HAO2: variants seen among roughly 807,000 people sequenced by gnomAD.
The protein encoded by HAO2 is hydroxyacid oxidase 2.
A neutral mutation model predicts 37.4 loss-of-function variants in HAO2; 42 were observed. The ratio of observed to expected loss-of-function variants is 1.12; its 90% CI spans 0.88 to 1.45. The LOEUF (loss-of-function observed/expected upper bound fraction) is 1.45, where lower values mean the gene tolerates loss of function less well. HAO2 is among the 40% of genes most tolerant of loss of function. The pLI is 0.00. For missense variants in HAO2, 476 were observed against 430.2 expected (o/e 1.11, Z -0.94); for synonymous variants, 180 against 162.8 (o/e 1.11, Z -0.81).
chr1:119,392,380 A>G (rs758267854), intron 6 of HAO2, 112 bp downstream of exon 6: 8 of 947,546 alleles, frequency 8.4e-6, no homozygotes, highest in Non-Finnish European at 1.3e-5. Flanking sequence ...TTCCTAAAGG[A>G]TAGTTACACC....
rs748624751 is a variant in HAO2, at chr1:119,384,855, C to T, written c.363C>T (p.Pro121=). Residue 121 remains proline, a synonymous_variant, in exon 4 of 8, where the codon CCC becomes CCT. Transcript: ENST00000325945. ...CSLEDIVIAA[P]EGLRWFQLYV... ...TTGAAGACATTGTCATTGCAGCTCC[C>T]GAAGGCCTCCGATGGTTCCAACTCT... 27 of 1,613,574 alleles carry T rather than the reference C, an allele frequency of 1.7e-5. No individual in the cohort carries two copies. The highest frequency in any genetic ancestry group is 1.6e-4 in the South Asian group (15 of 91,076).
At chr1:119,372,792 T>G (rs1451023020) in intron 1 of HAO2, among the ~76,000 whole-genome samples, 2 of 152,124 alleles carry the variant, frequency 1.3e-5, no homozygotes, top group Non-Finnish European at 2.9e-5. Flanking sequence ...ACCCAGCTGT[T>G]TGTTGTTGGC....
intron 1 of HAO2, among the ~76,000 whole-genome samples, chr1:119,370,628 T>C (rs369152082): frequency 5.9e-5 from 9 of 152,322 alleles, no homozygotes; most frequent in African/African-American, 2.2e-4. Context: ...AGAGCTGAGA[T>C]TTCAGCCTAT....
intron 1 of HAO2, among the ~76,000 whole-genome samples, chr1:119,373,817 C>G (rs1482282415): frequency 6.6e-6 from 1 of 151,996 alleles, no homozygotes; most frequent in African/African-American, 2.4e-5. Flanking sequence ...CAAAAAAAGG[C>G]TAATGAGAGT....
At chr1:119,369,600 C>T (rs1341940639) in intron 1 of HAO2, among the ~76,000 whole-genome samples, 1 of 152,198 alleles carries the variant, frequency 6.6e-6, no homozygotes, top group East Asian at 1.9e-4. Context: ...CTGCATTTTA[C>T]AAGATCCTTC....
At chr1:119,380,901 C>G (rs1171756943) in intron 1 of HAO2, among the ~76,000 whole-genome samples, 177 bp from the exon 2 acceptor site, 1 of 152,158 alleles carries the variant, frequency 6.6e-6, no homozygotes, top group East Asian at 1.9e-4. Context: ...TGGACGATTA[C>G]TCTCTGACTT....
chr1:119,380,781 A>C, intron 1 of HAO2: 1 of 1,072,776 alleles, frequency 9.3e-7, no homozygotes, highest in Non-Finnish European at 1.4e-6. Flanking sequence ...GTGGGGCCTC[A>C]ACTAGGTCTA....
In HAO2 at chr1:119,382,810, T is replaced by C. The variant is rs587681767; in HGVS notation, c.132-105T>C. On this transcript the variant is annotated intron_variant, in intron 2 of 7. Coordinates refer to ENST00000325945, the MANE Select transcript of HAO2 (RefSeq NM_016527.4). ...CCCACCAAGGTTCCACAGGACCCTG[T>C]CTGGTTTAGACTTGTATCAGGAATC... The C allele has an allele frequency of 8.6e-6, 9 of 1,045,440 alleles. No homozygotes were observed. The South Asian group carries it at 1.1e-4, about 13-fold the overall frequency. The allele number at this position is 1,045,440 out of a possible 1,614,324, so 64.8% of individuals were successfully genotyped here. A position where few individuals can be genotyped will look rare whatever the true frequency, so the allele number is the denominator to read the frequency against.
At chr1:119,379,709 C>T (rs1010771581) in intron 1 of HAO2, among the ~76,000 whole-genome samples, 2 of 152,148 alleles carry the variant, frequency 1.3e-5, no homozygotes, top group South Asian at 4.1e-4. Context: ...CTCCTCGTAG[C>T]CTCCATCTAG....
At chr1:119,378,215 C>T (rs1649635135) in intron 1 of HAO2, among the ~76,000 whole-genome samples, 1 of 152,090 alleles carries the variant, frequency 6.6e-6, no homozygotes, top group Admixed American at 6.5e-5. Context: ...GCACTCCAGC[C>T]TGGGCGACAG....
chr1:119,380,663 C>T (rs781335245), intron 1 of HAO2: 1 of 1,566,456 alleles, frequency 6.4e-7, no homozygotes, highest in Non-Finnish European at 8.8e-7. Context: ...CATGATCAGC[C>T]TTGAACTTTA....
At chr1:119,379,991 C>T (rs183918299) in intron 1 of HAO2, among the ~76,000 whole-genome samples, 24 of 152,254 alleles carry the variant, frequency 1.6e-4, no homozygotes, top group East Asian at 9.6e-4. Context: ...CTAGTTACTG[C>T]GGCCTATCTT....
chr1:119,388,370 T>A (rs1650558020), intron 5 of HAO2, among the ~76,000 whole-genome samples: 1 of 152,192 alleles, frequency 6.6e-6, no homozygotes, highest in South Asian at 2.1e-4. Flanking sequence ...ACTTAGCTGG[T>A]CTTGTTCTTT....
At chr1:119,376,514 C>T (rs1649484225) in intron 1 of HAO2, among the ~76,000 whole-genome samples, 1 of 152,212 alleles carries the variant, frequency 6.6e-6, no homozygotes, top group Admixed American at 6.5e-5. Flanking sequence ...GATGATGGCC[C>T]TCTTCTCACA....
In HAO2 at chr1:119,382,972, A is replaced by G; in HGVS notation, c.189A>G (p.Thr63=). The G allele has an allele frequency of 6.2e-7, 1 of 1,613,494 alleles. No individual in the cohort carries two copies. The highest frequency in any genetic ancestry group is 8.5e-7 in the Non-Finnish European group (1 of 1,179,536). Residue 63 remains threonine (T), a synonymous_variant, in exon 3 of 8, where the codon ACA becomes ACG. Coordinates refer to ENST00000325945, the MANE Select transcript of HAO2 (RefSeq NM_016527.4). ...TGTCTGAGGTGGACACCAGAACCAC[A>G]ATCCAAGGGGAGGAGATCAGTGCCC... ...RDVSEVDTRT[T]IQGEEISAPI...
chr1:119,389,334 T>C (rs1650682291), intron 5 of HAO2, among the ~76,000 whole-genome samples: 2 of 150,280 alleles, frequency 1.3e-5, no homozygotes, highest in Non-Finnish European at 3.0e-5. Flanking sequence ...CTGGATCAAA[T>C]GGTAGTTCTA....
intron 5 of HAO2, among the ~76,000 whole-genome samples, chr1:119,389,647 T>C (rs933344508): frequency 2.0e-5 from 3 of 149,030 alleles, no homozygotes; most frequent in Admixed American, 1.3e-4. Flanking sequence ...TTTTTTTTTT[T>C]CTTGTTAATT....
intron 5 of HAO2, among the ~76,000 whole-genome samples, chr1:119,390,061 A>G (rs895932793): frequency 1.3e-5 from 2 of 151,938 alleles, no homozygotes; most frequent in South Asian, 2.1e-4. Flanking sequence ...TCCCTACTTT[A>G]TGTTTTTGTT....
At chr1:119,390,688 A>G (rs1031693147) in intron 5 of HAO2, among the ~76,000 whole-genome samples, 3 of 152,236 alleles carry the variant, frequency 2.0e-5, no homozygotes, top group African/African-American at 7.2e-5. Context: ...TTTAGAGTTA[A>G]TTTTTAATAG....
Sources: gnomAD v4.1 joint callset for allele counts (sites outside exome capture counted in the v4.1 genomes callset) on GRCh38, gnomAD v4.1.1 for gene constraint, MANE v1.5 for transcripts, NCBI Gene and HGNC (gene_info 2026-07-23, HGNC 2026-07-21) for gene names.